Variants in CNTLN observed in about 807,000 individuals in gnomAD.
CNTLN encodes the protein centlein, also known as centlein, centrosomal protein.
Under a neutral mutation model 180.0 loss-of-function variants are expected in CNTLN, and 212 were observed. The ratio of observed to expected loss-of-function variants is 1.18; its 90% CI spans 1.05 to 1.32. The LOEUF is 1.32. CNTLN is among the 40% of genes most tolerant of loss of function. CNTLN has a pLI of 0.00. For synonymous variants in CNTLN, 722 were observed against 563.1 expected (o/e 1.28, Z -3.99); for missense variants, 2,095 against 1,610.9 (o/e 1.30, Z -5.14).
chr9:17,176,033 AT>A (rs1820698517), intron 2 of CNTLN, among the ~76,000 whole-genome samples: 1 of 151,398 alleles, frequency 6.6e-6, no homozygotes. Flanking sequence ...GTAATTATCT[AT>A]TGTAATTGTA....
intron 20 of CNTLN, among the ~76,000 whole-genome samples, chr9:17,463,870 TA>T (rs1486425513): frequency 1.3e-5 from 2 of 151,474 alleles, no homozygotes; most frequent in Non-Finnish European, 3.0e-5. Context: ...GTAAAGCACT[TA>T]TAACAGTGAC....
chr9:17,259,741 A>G (rs1826806708), intron 5 of CNTLN, among the ~76,000 whole-genome samples: 1 of 150,180 alleles, frequency 6.7e-6, no homozygotes, highest in African/African-American at 2.5e-5. Context: ...CATTTCTTCT[A>G]GATTTTCTAG....
chr9:17,192,906 C>A (rs116052690), intron 2 of CNTLN, among the ~76,000 whole-genome samples: 1 of 152,074 alleles, frequency 6.6e-6, no homozygotes, highest in Non-Finnish European at 1.5e-5. Flanking sequence ...AAAAGCAGTT[C>A]AGTTGGACTT....
chr9:17,471,905 T>A (rs1379317506), intron 23 of CNTLN, among the ~76,000 whole-genome samples: 2 of 152,026 alleles, frequency 1.3e-5, no homozygotes, highest in Non-Finnish European at 2.9e-5. Flanking sequence ...AGACCCAACA[T>A]GTAAATACAA....
At chr9:17,224,436 C>T (rs954650015) in intron 2 of CNTLN, among the ~76,000 whole-genome samples, 11 of 152,004 alleles carry the variant, frequency 7.2e-5, no homozygotes, top group African/African-American at 2.7e-4. Flanking sequence ...GCAGTTACCT[C>T]CTGAAATATT....
chr9:17,259,410 C>T (rs1396334352), intron 5 of CNTLN, among the ~76,000 whole-genome samples: 1 of 134,950 alleles, frequency 7.4e-6, no homozygotes, highest in Non-Finnish European at 1.6e-5. Context: ...CATCAATGTT[C>T]ATCCGGGATA....
intron 5 of CNTLN, among the ~76,000 whole-genome samples, chr9:17,266,514 G>A (rs1198099082): frequency 1.3e-5 from 2 of 152,152 alleles, no homozygotes; most frequent in East Asian, 3.8e-4. Context: ...TGTATATTCT[G>A]TTGATTTGGG....
chr9:17,244,500 G>A (rs975827686), intron 5 of CNTLN, among the ~76,000 whole-genome samples: 1 of 152,152 alleles, frequency 6.6e-6, no homozygotes, highest in Non-Finnish European at 1.5e-5. Context: ...TTATAGGTAT[G>A]CACCACCATG....
chr9:17,200,149 G>C (rs763536934), intron 2 of CNTLN, among the ~76,000 whole-genome samples: 6 of 152,136 alleles, frequency 3.9e-5, no homozygotes, highest in East Asian at 3.9e-4. Flanking sequence ...GATGGTTGTA[G>C]ATGTGTGATG....
chr9:17,212,001 C>T (rs988387740), intron 2 of CNTLN, among the ~76,000 whole-genome samples: 1 of 152,162 alleles, frequency 6.6e-6, no homozygotes, highest in Non-Finnish European at 1.5e-5. Context: ...CGTCTGCAAA[C>T]AGGGACAATT....
At chr9:17,324,516 G>T (rs1019395552) in intron 8 of CNTLN, among the ~76,000 whole-genome samples, 1 of 152,080 alleles carries the variant, frequency 6.6e-6, no homozygotes, top group Non-Finnish European at 1.5e-5. Flanking sequence ...AAACCCTCTT[G>T]TGTGACATGT....
chr9:17,147,198 C>G (rs78101069), intron 2 of CNTLN, among the ~76,000 whole-genome samples: 4,685 of 152,292 alleles, frequency 0.031, 149 homozygotes, highest in East Asian at 0.17. Flanking sequence ...AGTAGATAGA[C>G]TTCATTGTAG....
chr9:17,341,087 G>C (rs939842002), intron 11 of CNTLN, 139 bp downstream of exon 11: 1 of 727,202 alleles, frequency 1.4e-6, no homozygotes, highest in Non-Finnish European at 2.0e-6. Flanking sequence ...TTTTTAAATG[G>C]AGAATATAAC....
chr9:17,295,096 G>C (rs1267339713), intron 6 of CNTLN, among the ~76,000 whole-genome samples: 1 of 150,534 alleles, frequency 6.6e-6, no homozygotes, highest in Non-Finnish European at 1.5e-5. Context: ...CCTCACTGCC[G>C]GGCTGGCGGG....
chr9:17,476,555 A>C (rs1832359242), intron 23 of CNTLN, among the ~76,000 whole-genome samples: 1 of 152,254 alleles, frequency 6.6e-6, no homozygotes, highest in Non-Finnish European at 1.5e-5. Context: ...CTACTTCATG[A>C]ATACACAAAT....
intron 2 of CNTLN, among the ~76,000 whole-genome samples, chr9:17,201,468 CT>C (rs942280889): frequency 6.6e-6 from 1 of 151,668 alleles, no homozygotes; most frequent in Non-Finnish European, 1.5e-5. Context: ...TGGACCTGGG[CT>C]TTTTTTTGGT....
chr9:17,390,545 GAA>G (rs947264598), intron 14 of CNTLN, among the ~76,000 whole-genome samples: 2 of 152,028 alleles, frequency 1.3e-5, no homozygotes, highest in African/African-American at 4.8e-5. Flanking sequence ...CACCCGGCCT[GAA>G]AAGAGCCATC....
chr9:17,294,201 G>C (rs1016387265), intron 6 of CNTLN, among the ~76,000 whole-genome samples: 20 of 152,068 alleles, frequency 1.3e-4, no homozygotes, highest in African/African-American at 4.6e-4. Context: ...TTATTGCAAA[G>C]AGTGAAAGAA....
At chr9:17,406,549 A>C (rs956887782) in intron 15 of CNTLN, among the ~76,000 whole-genome samples, 2 of 151,798 alleles carry the variant, frequency 1.3e-5, no homozygotes, top group Non-Finnish European at 2.9e-5. Context: ...TTCAGATTTC[A>C]GCCTGCCACC....
Sources: gnomAD v4.1 joint callset for allele counts (sites outside exome capture counted in the v4.1 genomes callset) on GRCh38, gnomAD v4.1.1 for gene constraint, MANE v1.5 for transcripts, NCBI Gene and HGNC (gene_info 2026-07-23, HGNC 2026-07-21) for gene names.